The following SRGAP3 variants were observed in gnomAD, a reference collection of about 807,000 sequenced individuals.
SRGAP3 encodes SLIT-ROBO Rho GTPase activating protein 3, also known as SLIT-ROBO Rho GTPase-activating protein 3.
In SRGAP3, 39 loss-of-function variants were observed where a neutral mutation model predicts 121.1. That is an observed-to-expected ratio of 0.32 (90% CI 0.25 to 0.42). The LOEUF is 0.42. Ranked by LOEUF, SRGAP3 falls within the 10% of genes least tolerant of loss-of-function variation. The pLI is 1.00. For synonymous variants in SRGAP3, 601 were observed against 570.0 expected (o/e 1.05, Z -0.77); for missense variants, 1,213 against 1,470.6 (o/e 0.82, Z 2.86).
chr3:9,085,572 T>A (rs1338980089), intron 3 of SRGAP3, among the ~76,000 whole-genome samples: 2 of 152,050 alleles, frequency 1.3e-5, no homozygotes, highest in Non-Finnish European at 1.5e-5. Flanking sequence ...CAAATACCGA[T>A]CAATGATAGA....
intron 3 of SRGAP3, among the ~76,000 whole-genome samples, chr3:9,272,252 G>A (rs1348038762): frequency 6.6e-6 from 1 of 152,170 alleles, no homozygotes; most frequent in African/African-American, 2.4e-5. Context: ...AAAACTTGTG[G>A]TAAAATACAC....
At chr3:9,232,292 T>G (rs1953239673) in intron 1 of SRGAP3, among the ~76,000 whole-genome samples, 1 of 152,174 alleles carries the variant, frequency 6.6e-6, no homozygotes, top group Non-Finnish European at 1.5e-5. Context: ...GTCAACTTCG[T>G]GGAATTTTAA....
intron 3 of SRGAP3, among the ~76,000 whole-genome samples, chr3:9,297,727 C>T (rs1954975289): frequency 6.6e-6 from 1 of 151,958 alleles, no homozygotes; most frequent in Non-Finnish European, 1.5e-5. Context: ...GAAACCCCAT[C>T]TCTACTAAAA....
intron 21 of SRGAP3, among the ~76,000 whole-genome samples, chr3:8,987,746 TGTTTTGTGCCTTATCCAAAAGGA>T (rs1420942069): frequency 2.7e-5 from 4 of 149,860 alleles, no homozygotes; most frequent in Non-Finnish European, 5.9e-5. Flanking sequence ...TAAGAAAGGG[TGTTTTGTGCCTTATCCAAAAGGA>T]GGCGCTGTGG....
chr3:9,305,923 C>A (rs528863775), intron 3 of SRGAP3, among the ~76,000 whole-genome samples: 2 of 152,250 alleles, frequency 1.3e-5, no homozygotes, highest in South Asian at 2.1e-4. Flanking sequence ...GGGTATATAC[C>A]CAGCAATGGG....
At chr3:9,080,128 G>A in intron 3 of SRGAP3, 41 bp from the exon 4 acceptor site, 1 of 1,606,534 alleles carries the variant, frequency 6.2e-7, no homozygotes, top group South Asian at 1.1e-5. Context: ...GGAGAAGTTT[G>A]CTGGCTACAT....
At chr3:9,065,187 A>G (rs896141107) in intron 4 of SRGAP3, 3 of 152,246 alleles carry the variant, frequency 2.0e-5, no homozygotes, top group African/African-American at 7.2e-5. Flanking sequence ...TAGATATTCT[A>G]TGCTCTCTGG....
chr3:9,288,036 T>C (rs1314990141), intron 3 of SRGAP3, among the ~76,000 whole-genome samples: 2 of 152,186 alleles, frequency 1.3e-5, no homozygotes, highest in African/African-American at 4.8e-5. Context: ...GTTCAAATAT[T>C]ATCTCCACAT....
chr3:9,058,631 A>C, intron 6 of SRGAP3, 159 bp from the exon 7 acceptor site: 13 of 689,110 alleles, frequency 1.9e-5, no homozygotes, highest in East Asian at 5.7e-5. Context: ...CACAAACCTC[A>C]CGGCGCCCCT....
chr3:9,336,163 T>C (rs536132729), intron 1 of SRGAP3, among the ~76,000 whole-genome samples: 65 of 152,212 alleles, frequency 4.3e-4, no homozygotes, highest in African/African-American at 1.5e-3. Flanking sequence ...ATGAATGTAA[T>C]TCAATGCTTT....
At chr3:9,185,782 C>T (rs1951577398) in intron 1 of SRGAP3, among the ~76,000 whole-genome samples, 1 of 152,072 alleles carries the variant, frequency 6.6e-6, no homozygotes, top group Non-Finnish European at 1.5e-5. Flanking sequence ...AGTGATCCTC[C>T]CACCTCGGCT....
chr3:8,985,146 A>C lies in SRGAP3; in HGVS notation c.*373T>G. ...GACACGTACATACGTATACATGTGT[A>C]TATATGCACACATCGATATACACAC... On this transcript the variant is annotated 3_prime_UTR_variant, in exon 22 of 22. Coordinates refer to ENST00000383836, the MANE Select transcript of SRGAP3 (RefSeq NM_014850.4). This position sits in a 1 kb window ranked among gnomAD's most constrained non-coding sequence, Gnocchi z 5.1. The C allele has an allele frequency of 2.9e-6, 1 of 344,760 alleles. No individual in the cohort carries two copies. Among genetic ancestry groups the C allele is most frequent in the Non-Finnish European group, 5.3e-6 (1 of 187,344 alleles). The allele number at this position is 344,760 out of a possible 1,614,324, so 21.4% of individuals were successfully genotyped here.
At chr3:9,032,577 C>T in intron 12 of SRGAP3, 73 bp downstream of exon 12, 2 of 1,395,806 alleles carry the variant, frequency 1.4e-6, no homozygotes, top group Non-Finnish European at 1.0e-6. Context: ...TGTCTGCTGG[C>T]AGGGAGGCGG....
chr3:9,095,860 G>A (rs946455325), intron 3 of SRGAP3, among the ~76,000 whole-genome samples: 6 of 152,122 alleles, frequency 3.9e-5, no homozygotes, highest in African/African-American at 1.4e-4. Flanking sequence ...TTGAGGCCAG[G>A]AGTTCAAAAC....
intron 3 of SRGAP3, among the ~76,000 whole-genome samples, chr3:9,267,352 T>C (rs992734949): frequency 6.6e-6 from 1 of 152,002 alleles, no homozygotes; most frequent in Non-Finnish European, 1.5e-5. Context: ...AAACCAGAAA[T>C]GATGGTTGAG....
intron 1 of SRGAP3, among the ~76,000 whole-genome samples, chr3:9,337,988 C>T (rs1335525186): frequency 6.6e-6 from 1 of 152,164 alleles, no homozygotes; most frequent in Non-Finnish European, 1.5e-5. Context: ...TAAAGTTTCA[C>T]ATAACATACT....
intron 21 of SRGAP3, among the ~76,000 whole-genome samples, chr3:8,988,903 G>C (rs949015774): frequency 6.6e-6 from 1 of 152,186 alleles, no homozygotes; most frequent in African/African-American, 2.4e-5. Context: ...CAGAGCTCAC[G>C]CAATAATGCT....
At chr3:9,128,026 T>C (rs1949304957) in intron 1 of SRGAP3, among the ~76,000 whole-genome samples, 1 of 152,032 alleles carries the variant, frequency 6.6e-6, no homozygotes, top group South Asian at 2.1e-4. Flanking sequence ...GTGCTCATTT[T>C]TGGGGCATTT....
intron 1 of SRGAP3, among the ~76,000 whole-genome samples, chr3:9,213,669 A>C (rs923775762): frequency 2.0e-5 from 3 of 152,190 alleles, no homozygotes; most frequent in African/African-American, 7.2e-5. Context: ...CCTCCCTGTT[A>C]AAATCTCCAA....
Sources: gnomAD v4.1 joint callset for allele counts (sites outside exome capture counted in the v4.1 genomes callset) on GRCh38, gnomAD v4.1.1 for gene constraint, Gnocchi (gnomAD v3.1) non-coding constraint, MANE v1.5 for transcripts, NCBI Gene and HGNC (gene_info 2026-07-23, HGNC 2026-07-21) for gene names.